The following FRMD8 variants were observed in gnomAD, a reference collection of about 807,000 sequenced individuals.
FRMD8 encodes FERM domain-containing protein 8.
A neutral mutation model predicts 54.2 loss-of-function variants in FRMD8; 37 were observed. The ratio of observed to expected loss-of-function variants is 0.68; its 90% CI spans 0.53 to 0.90. The LOEUF (loss-of-function observed/expected upper bound fraction) is 0.90, where lower values mean the gene tolerates loss of function less well. FRMD8 is among the 40% of genes least tolerant of loss of function. The pLI is 0.00. For missense variants in FRMD8, 585 were observed against 653.7 expected (o/e 0.89, Z 1.15); for synonymous variants, 246 against 286.9 (o/e 0.86, Z 1.44).
chr11:65,407,282 C>T (rs1030307262), intron 10 of FRMD8, among the ~76,000 whole-genome samples: 8 of 151,722 alleles, frequency 5.3e-5, no homozygotes, highest in East Asian at 2.0e-4. Flanking sequence ...GACAGAGTCT[C>T]GCTCTGTCAC....
At chr11:65,410,615 C>A (rs1354337736) in intron 10 of FRMD8, among the ~76,000 whole-genome samples, 1 of 152,096 alleles carries the variant, frequency 6.6e-6, no homozygotes, top group African/African-American at 2.4e-5. Flanking sequence ...ACGGTGAAAC[C>A]CCGTCTCTAC....
intron 9 of FRMD8, among the ~76,000 whole-genome samples, chr11:65,402,302 C>T (rs904615343): frequency 2.0e-5 from 3 of 151,148 alleles, no homozygotes; most frequent in African/African-American, 4.9e-5. Flanking sequence ...TGTGGTAAGC[C>T]GAGATGGTGC....
chr11:65,394,636 G>C lies in FRMD8; in HGVS notation c.581+211G>C, dbSNP rs529840683. Among the ~76,000 whole-genome samples the C allele has an allele frequency of 5.3e-5, 8 of 152,342 alleles. No individual in the cohort carries two copies. The East Asian group carries it at 1.5e-3, about 29-fold the overall frequency. On this transcript the variant is annotated intron_variant, in intron 6 of 10. Transcript: ENST00000317568. ...GTCCTGGGCTGGAGCCTCAGGTGAAGTGAAGTCTGGGAGAAGAATCTGGAG... is the reference window on the plus strand; with the variant it reads ...GTCCTGGGCTGGAGCCTCAGGTGAACTGAAGTCTGGGAGAAGAATCTGGAG...
chr11:65,409,333 C>A (rs1157320165), intron 10 of FRMD8, among the ~76,000 whole-genome samples: 2 of 152,066 alleles, frequency 1.3e-5, no homozygotes, highest in Non-Finnish European at 2.9e-5. Context: ...GTGATCTGTC[C>A]GCCTCAGCCT....
intron 7 of FRMD8, among the ~76,000 whole-genome samples, chr11:65,398,766 G>A (rs1049799182): frequency 6.6e-6 from 1 of 152,204 alleles, no homozygotes; most frequent in Admixed American, 6.5e-5. Context: ...GAAATCGGAG[G>A]GCTGGCCATC....
intron 2 of FRMD8, among the ~76,000 whole-genome samples, chr11:65,387,934 C>T (rs575584547): frequency 2.0e-4 from 30 of 152,140 alleles, no homozygotes; most frequent in African/African-American, 6.7e-4. Context: ...GAGGCCGAGG[C>T]GGGTGGATCA....
chr11:65,389,573 C>T lies in FRMD8; in HGVS notation c.253+45C>T, dbSNP rs200659044. On this transcript the variant is annotated intron_variant, in intron 3 of 10. Transcript: ENST00000317568. ...AGCCCAGGCTGGAGGGTTGGAAGGG[C>T]ACTGACCAGTACAGGAGGGAGGGGG... 42 of 1,528,276 alleles carry T rather than the reference C, an allele frequency of 2.7e-5. 1 individual carries two copies. Among genetic ancestry groups the T allele is most frequent in the Admixed American group, 5.9e-5 (3 of 50,816 alleles). 94.7% of individuals were successfully genotyped at this position (1,528,276 alleles called of 1,614,324 possible).
the FRMD8 span, among the ~76,000 whole-genome samples, chr11:65,371,818 G>A: frequency 6.6e-6 from 1 of 152,046 alleles, no homozygotes; most frequent in Non-Finnish European, 1.5e-5. Flanking sequence ...GTTTCACTGT[G>A]TTAGCCAGGA....
At chr11:65,373,717 GCT>G in the FRMD8 span, among the ~76,000 whole-genome samples, 4 of 152,062 alleles carry the variant, frequency 2.6e-5, no homozygotes, top group South Asian at 8.3e-4. Flanking sequence ...CTCCCAAGCA[GCT>G]CTGTCTACAG....
At chr11:65,405,291 G>T (rs185766663) in intron 10 of FRMD8, among the ~76,000 whole-genome samples, 161 of 152,360 alleles carry the variant, frequency 1.1e-3, no homozygotes, top group Middle Eastern at 3.4e-3. Context: ...GCATTGTCCA[G>T]GATGTGATCC....
chr11:65,400,628 G>C lies in FRMD8; in HGVS notation c.928-96G>C. 3.2e-6 allele frequency: 4 copies of C among 1,248,104 alleles called. No individual in the cohort carries two copies. Among genetic ancestry groups the C allele is most frequent in the Non-Finnish European group, 4.3e-6 (4 of 923,224 alleles). 77.3% of individuals were successfully genotyped at this position (1,248,104 alleles called of 1,614,324 possible). A position where few individuals can be genotyped will look rare whatever the true frequency, so the allele number is the denominator to read the frequency against. ...GAACAAATGTAGACTCAGCCTTGGA[G>C]AGGCACACACCCTGGCCAGGTGTCT... is the stretch of plus-strand genomic sequence containing the variant. On this transcript the variant is annotated intron_variant, in intron 8 of 10. Coordinates refer to ENST00000317568, the MANE Select transcript of FRMD8 (RefSeq NM_031904.5). This position sits in a 1 kb window ranked among gnomAD's most constrained non-coding sequence, Gnocchi z 4.3.
Position 65,407,987 on chromosome 11 carries a change from T to C in FRMD8, c.1276+2919T>C, listed in dbSNP as rs1489609129. On this transcript the variant is annotated intron_variant, in intron 10 of 10. Transcript: ENST00000317568. ...GGCCGTCAGCGGCTGTAGCTTTGAC[T>C]TTTTCTTTGTACTTCTTGGAGCACG... Among the ~76,000 whole-genome samples the C allele has an allele frequency of 2.0e-5, 3 of 152,012 alleles. No individual in the cohort carries two copies. In the South Asian group the frequency reaches 6.2e-4, roughly 31 times the overall value.
At chr11:65,377,429 C>G in the FRMD8 span, 1 of 1,093,890 alleles carries the variant, frequency 9.1e-7, no homozygotes, top group Non-Finnish European at 1.1e-6. Flanking sequence ...CATACCTGTA[C>G]GGTGGGCAGG....
At chr11:65,386,840 G>A in intron 1 of FRMD8, 79 bp downstream of exon 1, 1 of 572,988 alleles carries the variant, frequency 1.7e-6, no homozygotes, top group South Asian at 2.2e-5. Context: ...CATCCAGGTC[G>A]ACCCCCGGTT....
intron 5 of FRMD8, 62 bp from the exon 6 acceptor site, chr11:65,394,197 A>G (rs1855897710): frequency 6.9e-6 from 11 of 1,593,334 alleles, no homozygotes; most frequent in East Asian, 4.6e-5. Flanking sequence ...CCCCAGCCCA[A>G]CTGAGCAGCT....
intron 2 of FRMD8, among the ~76,000 whole-genome samples, chr11:65,387,890 G>A (rs1040973435): frequency 1.3e-5 from 2 of 152,078 alleles, no homozygotes; most frequent in East Asian, 1.9e-4. Flanking sequence ...CAGGCTGGGC[G>A]TAGTAGCTCA....
intron 3 of FRMD8, among the ~76,000 whole-genome samples, chr11:65,391,993 G>T (rs1855855667): frequency 6.6e-6 from 1 of 152,206 alleles, no homozygotes; most frequent in Non-Finnish European, 1.5e-5. Flanking sequence ...GACAGAGAGA[G>T]CATGAGGACC....
At chr11:65,395,727 T>G (rs916228271) in intron 6 of FRMD8, among the ~76,000 whole-genome samples, 2 of 152,204 alleles carry the variant, frequency 1.3e-5, no homozygotes, top group African/African-American at 2.4e-5. Flanking sequence ...GTTGGCGTTT[T>G]CACGTTTTTA....
In FRMD8 at chr11:65,386,794, C is replaced by T. The variant is rs1490047396; in HGVS notation, c.-1+33C>T. 7 of 545,418 alleles carry T rather than the reference C, an allele frequency of 1.3e-5. No individual in the cohort carries two copies. In the South Asian group the frequency reaches 1.7e-4, roughly 13 times the overall value. The allele number at this position is 545,418 out of a possible 1,614,324, so 33.8% of individuals were successfully genotyped here. A position where few individuals can be genotyped will look rare whatever the true frequency, so the allele number is the denominator to read the frequency against. ...CACAGCGACGTCTGGCCCGGGCCTC[C>T]GTCCCCGGCTGGGCGTGCGCCTTGC... On this transcript the variant is annotated intron_variant, in intron 1 of 10. Coordinates refer to ENST00000317568, the MANE Select transcript of FRMD8 (RefSeq NM_031904.5).
Sources: allele counts gnomAD v4.1 joint callset (sites outside exome capture counted in the v4.1 genomes callset), GRCh38; gene constraint gnomAD v4.1.1; non-coding constraint Gnocchi (gnomAD v3.1); transcripts MANE v1.5; gene names NCBI Gene and HGNC (gene_info 2026-07-23, HGNC 2026-07-21).